The following KCNMA1 variants were observed in gnomAD, a reference collection of about 807,000 sequenced individuals.
The protein encoded by KCNMA1 is Calcium-activated potassium channel subunit alpha-1.
A neutral mutation model predicts 140.0 loss-of-function variants in KCNMA1; 29 were observed. That is an observed-to-expected ratio of 0.21 (90% CI 0.15 to 0.28). The LOEUF (loss-of-function observed/expected upper bound fraction) is 0.28. Ranked by LOEUF, KCNMA1 falls within the 10% of genes least tolerant of loss-of-function variation. The probability of loss-of-function intolerance (pLI) is 1.00; values close to 1 mark genes in which losing one functional copy is unlikely to be tolerated. For synonymous variants in KCNMA1, 612 were observed against 611.9 expected, an observed-to-expected ratio of 1.00 and a Z score of 0.00; for missense variants, 880 against 1,602.2, an observed-to-expected ratio of 0.55 and a Z score of 7.70.
At chr10:77,573,963 G>A (rs753307075) in intron 1 of KCNMA1, among the ~76,000 whole-genome samples, 1 of 150,898 alleles carries the variant, frequency 6.6e-6, no homozygotes, top group Non-Finnish European at 1.5e-5. Flanking sequence ...TCAGCCTCCC[G>A]AGTAGTTAGG....
Position 77,417,306 on chromosome 10 carries a change from A to C in KCNMA1, c.379-13283T>G, listed in dbSNP as rs181247255. On this transcript the variant is annotated intron_variant, in intron 1 of 27. Transcript: ENST00000286628. ...GTTAGCCTGGACAATCCTTGAAGGC[A>C]AGGCCTATATACCTTTTATGCCCAA... 1.7e-3 allele frequency among the ~76,000 whole-genome samples: 252 copies of C among 151,746 alleles called. 1 individual carries two copies. Among genetic ancestry groups the C allele is most frequent in the African/African-American group, 5.8e-3 (239 of 41,458 alleles).
At chr10:76,925,058 C>T (rs535974340) in intron 23 of KCNMA1, among the ~76,000 whole-genome samples, 4 of 152,264 alleles carry the variant, frequency 2.6e-5, no homozygotes, top group South Asian at 2.1e-4. Context: ...TGAATAACTT[C>T]TCACATTTAG....
intron 15 of KCNMA1, among the ~76,000 whole-genome samples, chr10:77,036,948 C>A (rs906038386): frequency 6.6e-6 from 1 of 152,200 alleles, no homozygotes; most frequent in African/African-American, 2.4e-5. Flanking sequence ...ATCATTTCTA[C>A]CTCTGCTGTA....
chr10:77,371,984 C>A (rs1186634744), intron 2 of KCNMA1, among the ~76,000 whole-genome samples: 2 of 152,230 alleles, frequency 1.3e-5, no homozygotes, highest in Non-Finnish European at 2.9e-5. Context: ...CCTACCTTCA[C>A]ATAGTTGGTT....
chr10:76,887,553 A>G (rs1324082457), intron 27 of KCNMA1, 38 bp from the exon 28 acceptor site: 1 of 1,612,596 alleles, frequency 6.2e-7, no homozygotes, highest in Non-Finnish European at 8.5e-7. Context: ...TCCTGAGAGT[A>G]ACTGAGTAAA....
chr10:77,484,608 G>T (rs770323800), intron 1 of KCNMA1, among the ~76,000 whole-genome samples: 13 of 152,222 alleles, frequency 8.5e-5, no homozygotes, highest in Non-Finnish European at 1.5e-4. Context: ...AGCAGCAGGA[G>T]CAGAACCAGG....
chr10:76,943,307 G>T, intron 23 of KCNMA1, among the ~76,000 whole-genome samples: 1 of 152,210 alleles, frequency 6.6e-6, no homozygotes, highest in African/African-American at 2.4e-5. Flanking sequence ...TGGATACCAA[G>T]ATTTAGATTT....
At chr10:76,910,841 G>T (rs1006592403) in intron 24 of KCNMA1, 1 of 154,310 alleles carries the variant, frequency 6.5e-6, no homozygotes, top group Non-Finnish European at 1.4e-5. Context: ...ATGCAGCATT[G>T]GATGCTGTAT....
chr10:76,884,798 A>AG (rs532863322), downstream of KCNMA1: 105 of 727,506 alleles, frequency 1.4e-4, no homozygotes, highest in South Asian at 2.0e-3. Flanking sequence ...GGGAAAGGGG[A>AG]GGGGGGGAAA....
intron 3 of KCNMA1, among the ~76,000 whole-genome samples, chr10:77,244,282 C>A (rs1753976489): frequency 6.6e-6 from 1 of 152,138 alleles, no homozygotes; most frequent in Admixed American, 6.5e-5. Flanking sequence ...CAGTTGGGAT[C>A]CAATGCCTCT....
intron 19 of KCNMA1, among the ~76,000 whole-genome samples, chr10:76,976,966 G>T (rs1175042042): frequency 1.3e-5 from 2 of 152,110 alleles, no homozygotes; most frequent in Non-Finnish European, 2.9e-5. Context: ...AGAATGGGAA[G>T]GTACTAGGAG....
chr10:77,233,646 A>G (rs1810108304), intron 3 of KCNMA1, among the ~76,000 whole-genome samples: 1 of 152,202 alleles, frequency 6.6e-6, no homozygotes, highest in Non-Finnish European at 1.5e-5. Flanking sequence ...CCTTAAAGTT[A>G]TCTACTGGGA....
chr10:77,600,791 GCACA>G (rs1269855176), intron 1 of KCNMA1, among the ~76,000 whole-genome samples: 2 of 151,482 alleles, frequency 1.3e-5, no homozygotes, highest in Non-Finnish European at 2.9e-5. Flanking sequence ...ATGCGCACAT[GCACA>G]CACACACATA....
chr10:77,449,915 T>C (rs558735874), intron 1 of KCNMA1, among the ~76,000 whole-genome samples: 127 of 152,052 alleles, frequency 8.4e-4, no homozygotes, highest in Non-Finnish European at 1.5e-3. Flanking sequence ...GTGCTGGGAT[T>C]ACAGGTGTGA....
chr10:77,508,498 A>G (rs2047002296), intron 1 of KCNMA1, among the ~76,000 whole-genome samples: 1 of 150,458 alleles, frequency 6.6e-6, no homozygotes, highest in Non-Finnish European at 1.5e-5. Flanking sequence ...TTTGACTTTT[A>G]TGCTCTTTTT....
chr10:77,508,571 TTTTTC>T (rs1269596075), intron 1 of KCNMA1, among the ~76,000 whole-genome samples: 2 of 124,000 alleles, frequency 1.6e-5, no homozygotes, highest in Non-Finnish European at 3.2e-5. Context: ...TTTTCTTTTT[TTTTTC>T]TTTTCTTTTT....
At chr10:77,450,979 T>C (rs1414376606) in intron 1 of KCNMA1, among the ~76,000 whole-genome samples, 1 of 152,204 alleles carries the variant, frequency 6.6e-6, no homozygotes, top group African/African-American at 2.4e-5. Flanking sequence ...CATGCCTTCT[T>C]ACCTGCTGCC....
At chr10:77,165,236 A>G (rs1201178415) in intron 5 of KCNMA1, among the ~76,000 whole-genome samples, 1 of 152,196 alleles carries the variant, frequency 6.6e-6, no homozygotes, top group Non-Finnish European at 1.5e-5. Context: ...CCCCAAGAGG[A>G]AAGAATGAAA....
intron 5 of KCNMA1, among the ~76,000 whole-genome samples, chr10:77,155,089 T>A (rs2098467692): frequency 2.0e-5 from 3 of 152,036 alleles, no homozygotes; most frequent in Non-Finnish European, 4.4e-5. Flanking sequence ...AGGCAGAAGC[T>A]CTAAGGCCAT....
Sources: allele counts gnomAD v4.1 joint callset (sites outside exome capture counted in the v4.1 genomes callset), GRCh38; gene constraint gnomAD v4.1.1; transcripts MANE v1.5; gene names NCBI Gene and HGNC (gene_info 2026-07-23, HGNC 2026-07-21).